The following RNF144B variants were observed in gnomAD, a reference collection of about 807,000 sequenced individuals.
RNF144B encodes the protein ring finger protein 144B.
In RNF144B, 25 loss-of-function variants were observed where a neutral mutation model predicts 40.2. That is an observed-to-expected ratio of 0.62 (90% CI 0.45 to 0.87). The LOEUF (loss-of-function observed/expected upper bound fraction) is 0.87. Among genes scored for constraint, RNF144B ranks in the 40% least tolerant of loss-of-function variants. The pLI, the probability that RNF144B is intolerant of heterozygous loss-of-function variation, is 0.00. For synonymous variants in RNF144B, 145 were observed against 136.3 expected, an observed-to-expected ratio of 1.06 and a Z score of -0.44; for missense variants, 365 against 373.7, an observed-to-expected ratio of 0.98 and a Z score of 0.19.
intron 1 of RNF144B, chr6:18,396,928 C>G: frequency 2.0e-6 from 1 of 507,252 alleles, no homozygotes; most frequent in South Asian, 8.5e-5. Context: ...TTAATTTGCT[C>G]TTGGATGACA....
intron 2 of RNF144B, among the ~76,000 whole-genome samples, chr6:18,404,824 C>T (rs766572765): frequency 4.6e-5 from 7 of 152,156 alleles, no homozygotes; most frequent in African/African-American, 1.7e-4. Context: ...TTGCTTACTT[C>T]CAAGAACATA....
At chr6:18,426,624 T>C (rs1157983515) in intron 2 of RNF144B, among the ~76,000 whole-genome samples, 3 of 152,064 alleles carry the variant, frequency 2.0e-5, no homozygotes, top group Non-Finnish European at 4.4e-5. Flanking sequence ...GGGTTTCTTT[T>C]TTCTTTTCAG....
intron 4 of RNF144B, among the ~76,000 whole-genome samples, chr6:18,453,423 C>CT (rs1759257639): frequency 6.6e-6 from 1 of 152,166 alleles, no homozygotes; most frequent in Admixed American, 6.5e-5. Context: ...CAGGCATGAG[C>CT]TACTGCACCC....
At chr6:18,440,399 G>A (rs1758932393) in intron 4 of RNF144B, among the ~76,000 whole-genome samples, 1 of 152,020 alleles carries the variant, frequency 6.6e-6, no homozygotes, top group South Asian at 2.1e-4. Flanking sequence ...CTATTTCTTA[G>A]TATCTCAGAA....
rs1758526011 is a variant in RNF144B at position 18,425,291 on chromosome 6, A to T, written c.166-2290A>T. Among the ~76,000 whole-genome samples the T allele has an allele frequency of 6.6e-6, 1 of 152,074 alleles. No homozygotes were observed. Among genetic ancestry groups the T allele is most frequent in the African/African-American group, 2.4e-5 (1 of 41,388 alleles). ...GGAGACTATATCTTTCAGTCTTTTT[A>T]CTTAAATTTCTTTAAGTGGCTGCTG... is the stretch of plus-strand genomic sequence containing the variant. On this transcript the variant is annotated intron_variant, in intron 2 of 7. Coordinates refer to ENST00000259939, the MANE Select transcript of RNF144B (RefSeq NM_182757.4). This position sits in a 1 kb window ranked among gnomAD's most constrained non-coding sequence, Gnocchi z 4.2.
At chr6:18,394,233 ACTAT>A (rs1794644990) in intron 1 of RNF144B, among the ~76,000 whole-genome samples, 1 of 152,226 alleles carries the variant, frequency 6.6e-6, no homozygotes, top group South Asian at 2.1e-4. Context: ...TTCCAATTAC[ACTAT>A]CTTTTTGTGT....
Position 18,405,174 on chromosome 6 carries a change from A to ATTATTATTATTATTG in RNF144B, c.165+5477_165+5478insATTATTATTATTGTT, listed in dbSNP as rs1362333930. Among the ~76,000 whole-genome samples the ATTATTATTATTATTG allele has an allele frequency of 2.9e-4, 42 of 142,602 alleles. No individual in the cohort carries two copies. Among genetic ancestry groups the ATTATTATTATTATTG allele is most frequent in the African/African-American group, 1.0e-3 (41 of 39,184 alleles). The allele number at this position is 142,602 out of a possible 152,430, so 93.6% of individuals were successfully genotyped here. ...CTTTATTATTATTATTATTATTATT[A>ATTATTATTATTATTG]TTGTTATTATTATTTTTGAGATGGA... On this transcript the variant is annotated intron_variant, in intron 2 of 7. Coordinates refer to ENST00000259939, the MANE Select transcript of RNF144B (RefSeq NM_182757.4). This position sits in a 1 kb window ranked among gnomAD's most constrained non-coding sequence, Gnocchi z 4.5.
At chr6:18,463,438 C>T in intron 7 of RNF144B, 58 bp downstream of exon 7, 1 of 992,942 alleles carries the variant, frequency 1.0e-6, no homozygotes, top group Non-Finnish European at 1.6e-6. Flanking sequence ...CTTAAAGAGC[C>T]CACCTCTTCG....
At position 18,454,005 on chromosome 6, in the gene RNF144B, T is replaced by G. The variant is rs553550886; in HGVS notation, c.332-3150T>G. ...GGTTTTGGTTAATTTATTAGGTTGG[T>G]AAAATTGCTGTTTTTGCCATGTTTT... On this transcript the variant is annotated intron_variant, in intron 4 of 7. Transcript: ENST00000259939. 6.6e-5 allele frequency among the ~76,000 whole-genome samples: 10 copies of G among 152,358 alleles called. No homozygotes were observed. The South Asian group carries it at 1.9e-3, about 28-fold the overall frequency.
At chr6:18,399,130 A>G (rs1326201380) in intron 1 of RNF144B, among the ~76,000 whole-genome samples, 3 of 152,172 alleles carry the variant, frequency 2.0e-5, no homozygotes, top group Non-Finnish European at 4.4e-5. Context: ...TCAAGTATAC[A>G]GTGTATTATT....
At chr6:18,440,981 A>G (rs1758951150) in intron 4 of RNF144B, among the ~76,000 whole-genome samples, 1 of 152,102 alleles carries the variant, frequency 6.6e-6, no homozygotes, top group African/African-American at 2.4e-5. Flanking sequence ...GAAATAGTTT[A>G]TAATGTTGAA....
chr6:18,462,422 C>T (rs1759475254), intron 6 of RNF144B, among the ~76,000 whole-genome samples: 1 of 152,126 alleles, frequency 6.6e-6, no homozygotes, highest in African/African-American at 2.4e-5. Flanking sequence ...CTGGTCATAT[C>T]CCAGTTCCCT....
chr6:18,388,948 G>C (rs1180105641), intron 1 of RNF144B, among the ~76,000 whole-genome samples: 2 of 152,028 alleles, frequency 1.3e-5, no homozygotes, highest in Non-Finnish European at 2.9e-5. Flanking sequence ...AAAAGATGTT[G>C]AGTAGTAGAA....
chr6:18,411,481 ATATATATATATATATATTTT>A (rs1395104584), intron 2 of RNF144B, among the ~76,000 whole-genome samples: 494 of 27,562 alleles, frequency 0.018, 1 homozygote, highest in Non-Finnish European at 0.033. Flanking sequence ...ATATATATAT[ATATATATATATATATATTTT>A]TTTTTTTTTT....
Position 18,458,421 on chromosome 6 carries a change from T to A in RNF144B, c.536+1062T>A, listed in dbSNP as rs1300742712. On this transcript the variant is annotated intron_variant, in intron 5 of 7. Coordinates refer to ENST00000259939, the MANE Select transcript of RNF144B (RefSeq NM_182757.4). The surrounding 1 kb of genome is among the most constrained non-coding windows in gnomAD (Gnocchi z 4.8). Reference sequence around the variant, plus strand: ...TAGAACCAGGCTTCATGAATAGTAATGCTACTTGGCTACGATGCTGTGCTT... The same window carrying A: ...TAGAACCAGGCTTCATGAATAGTAAAGCTACTTGGCTACGATGCTGTGCTT... Among the ~76,000 whole-genome samples, 1 of 152,170 alleles carries A rather than the reference T, an allele frequency of 6.6e-6. No homozygotes were observed. Among genetic ancestry groups the A allele is most frequent in the East Asian group, 1.9e-4 (1 of 5,190 alleles).
chr6:18,414,340 C>T lies in RNF144B; in HGVS notation c.166-13241C>T, dbSNP rs1458493408. 6.6e-6 allele frequency among the ~76,000 whole-genome samples: 1 copy of T among 152,080 alleles called. No homozygotes were observed. The highest frequency in any genetic ancestry group is 1.5e-5 in the Non-Finnish European group (1 of 68,016). On this transcript the variant is annotated intron_variant, in intron 2 of 7. Transcript: ENST00000259939. This position sits in a 1 kb window ranked among gnomAD's most constrained non-coding sequence, Gnocchi z 4.9. ...CTTAACTGATGTCCCTTGTTCCTAT[C>T]ATTCCATGTATAGAAATAATATCTT...
chr6:18,388,703 C>G (rs972590799), intron 1 of RNF144B, among the ~76,000 whole-genome samples: 3 of 152,072 alleles, frequency 2.0e-5, no homozygotes, highest in African/African-American at 7.2e-5. Flanking sequence ...GGGAGAAAAA[C>G]CTATAGCAGA....
chr6:18,448,442 C>G lies in RNF144B; in HGVS notation c.331+8698C>G, dbSNP rs746856247. 6.6e-6 allele frequency among the ~76,000 whole-genome samples: 1 copy of G among 151,896 alleles called. No homozygotes were observed. Among genetic ancestry groups the G allele is most frequent in the Admixed American group, 6.6e-5 (1 of 15,244 alleles). ...GTGCAATAAGAAGGAGGGTCAGCAG[C>G]TGAGAGTGAGAAGAGAAAAGGGGTA... is the stretch of plus-strand genomic sequence containing the variant. On this transcript the variant is annotated intron_variant, in intron 4 of 7. Transcript: ENST00000259939. This position sits in a 1 kb window ranked among gnomAD's most constrained non-coding sequence, Gnocchi z 4.0.
chr6:18,404,244 C>T (rs1054552600), intron 2 of RNF144B, among the ~76,000 whole-genome samples: 1 of 152,230 alleles, frequency 6.6e-6, no homozygotes, highest in Non-Finnish European at 1.5e-5. Flanking sequence ...AGTAATGCCA[C>T]TTTCCTATTT....
Sources: allele counts gnomAD v4.1 joint callset (sites outside exome capture counted in the v4.1 genomes callset), GRCh38; gene constraint gnomAD v4.1.1; non-coding constraint Gnocchi (gnomAD v3.1); transcripts MANE v1.5; gene names NCBI Gene and HGNC (gene_info 2026-07-23, HGNC 2026-07-21).